BAZ1A: variants seen among roughly 807,000 people sequenced by gnomAD.
The protein encoded by BAZ1A is bromodomain adjacent to zinc finger domain protein 1A.
In BAZ1A, 50 loss-of-function variants were observed where a neutral mutation model predicts 185.2. That is an observed-to-expected ratio of 0.27 (90% CI 0.22 to 0.34). The LOEUF (loss-of-function observed/expected upper bound fraction) is 0.34, where lower values mean the gene tolerates loss of function less well. Among genes scored for constraint, BAZ1A ranks in the 10% least tolerant of loss-of-function variants. The pLI, the probability that BAZ1A is intolerant of heterozygous loss-of-function variation, is 1.00. For missense variants in BAZ1A, 1,356 were observed against 1,839.9 expected (o/e 0.74, Z 4.81); for synonymous variants, 571 against 615.6 (o/e 0.93, Z 1.07).
At chr14:34,814,769 A>G (rs2041981542) in intron 4 of BAZ1A, among the ~76,000 whole-genome samples, 3 of 145,150 alleles carry the variant, frequency 2.1e-5, no homozygotes, top group Admixed American at 2.1e-4. Context: ...GAGCCACCGT[A>G]CCAGACCTTA....
intron 3 of BAZ1A, among the ~76,000 whole-genome samples, chr14:34,830,757 T>C (rs1416810216): frequency 1.3e-5 from 2 of 150,396 alleles, no homozygotes; most frequent in Non-Finnish European, 3.0e-5. Flanking sequence ...TTATGGTATA[T>C]CTCTACAACT....
At chr14:34,832,215 C>CACACACATATAT in intron 3 of BAZ1A, among the ~76,000 whole-genome samples, 40 of 89,708 alleles carry the variant, frequency 4.5e-4, no homozygotes, top group African/African-American at 1.2e-3. Flanking sequence ...CACACACACA[C>CACACACATATAT]ATATATATAT....
At chr14:34,811,933 C>G (rs1019639333) in intron 4 of BAZ1A, among the ~76,000 whole-genome samples, 1 of 152,110 alleles carries the variant, frequency 6.6e-6, no homozygotes, top group East Asian at 1.9e-4. Context: ...TTAATCCCTA[C>G]CCCCCACCAA....
intron 3 of BAZ1A, among the ~76,000 whole-genome samples, chr14:34,857,199 G>A (rs111848201): frequency 0.15 from 23,472 of 151,656 alleles, 2,073 homozygotes; most frequent in Admixed American, 0.27. Context: ...GTAGAGATGG[G>A]GTTTCACCGT....
At chr14:34,851,607 T>C (rs1442449338) in intron 3 of BAZ1A, among the ~76,000 whole-genome samples, 1 of 151,956 alleles carries the variant, frequency 6.6e-6, no homozygotes, top group Non-Finnish European at 1.5e-5. Flanking sequence ...TGAGTTCCAG[T>C]TCACCATTCT....
chr14:34,846,111 C>CT (rs2042508713), intron 3 of BAZ1A, among the ~76,000 whole-genome samples: 1 of 152,114 alleles, frequency 6.6e-6, no homozygotes, highest in South Asian at 2.1e-4. Context: ...CCACTGATAA[C>CT]TAAGAACTTC....
chr14:34,775,478 A>G (rs1434502489), intron 18 of BAZ1A, among the ~76,000 whole-genome samples: 2 of 152,220 alleles, frequency 1.3e-5, no homozygotes, highest in Non-Finnish European at 2.9e-5. Flanking sequence ...CAAGCAGGAA[A>G]TGCTGCTATC....
chr14:34,778,349 C>T (rs1186159013), intron 17 of BAZ1A, among the ~76,000 whole-genome samples: 1 of 152,190 alleles, frequency 6.6e-6, no homozygotes, highest in Non-Finnish European at 1.5e-5. Context: ...GATAATCTGC[C>T]TTGACTTTGA....
chr14:34,756,724 CAA>C (rs1886267415), intron 25 of BAZ1A, among the ~76,000 whole-genome samples: 1 of 151,986 alleles, frequency 6.6e-6, no homozygotes, highest in Admixed American at 6.6e-5. Flanking sequence ...CTTGGCCTCC[CAA>C]AGTGTTGGGA....
At chr14:34,872,913 T>TAAAAAAAAAAAAAAA (rs35955993) in intron 2 of BAZ1A, among the ~76,000 whole-genome samples, 5 of 76,188 alleles carry the variant, frequency 6.6e-5, no homozygotes, top group East Asian at 3.5e-4. Flanking sequence ...TTTAAAATCC[T>TAAAAAAAAAAAAAAA]AAAAAAAAAA....
intron 4 of BAZ1A, among the ~76,000 whole-genome samples, chr14:34,812,545 T>G (rs2041945179): frequency 6.6e-6 from 1 of 152,030 alleles, no homozygotes; most frequent in African/African-American, 2.4e-5. Context: ...GGGGCAAGAG[T>G]GTAAACAGGA....
intron 18 of BAZ1A, among the ~76,000 whole-genome samples, chr14:34,775,614 TAG>T (rs1879546252): frequency 1.3e-5 from 2 of 152,204 alleles, no homozygotes; most frequent in Non-Finnish European, 2.9e-5. Context: ...ATGGCAGCCT[TAG>T]AGTCTATTCT....
intron 4 of BAZ1A, among the ~76,000 whole-genome samples, chr14:34,814,561 C>G (rs1473725782): frequency 6.6e-6 from 1 of 151,932 alleles, no homozygotes; most frequent in Non-Finnish European, 1.5e-5. Context: ...TTCAACCTCC[C>G]AGGCTCAAGT....
intron 3 of BAZ1A, among the ~76,000 whole-genome samples, chr14:34,842,864 C>A (rs1283046296): frequency 6.6e-6 from 1 of 151,922 alleles, no homozygotes; most frequent in African/African-American, 2.4e-5. Flanking sequence ...AAATAAGCAA[C>A]TATCACATGG....
At chr14:34,771,872 G>A (rs1243808851) in intron 20 of BAZ1A, among the ~76,000 whole-genome samples, 2 of 152,138 alleles carry the variant, frequency 1.3e-5, no homozygotes, top group African/African-American at 2.4e-5. Flanking sequence ...AAGGCTTATG[G>A]GAAAGGTTTC....
intron 3 of BAZ1A, among the ~76,000 whole-genome samples, chr14:34,852,880 A>G (rs889533167): frequency 1.3e-5 from 2 of 152,194 alleles, no homozygotes; most frequent in East Asian, 3.8e-4. Flanking sequence ...GAGCACAGTG[A>G]AAGAAATGAT....
rs115229410 is a variant in BAZ1A at position 34,851,679 on chromosome 14, C to T, written c.392+10365G>A. On this transcript the variant is annotated intron_variant, in intron 3 of 26. Transcript: ENST00000360310. The stretch of plus-strand genomic sequence containing the variant: ...AAAAAAAAAGACAATGAGAACAAGG[C>T]ACAGTGGCCCATGCCTGTAGTCCAA... Among the ~76,000 whole-genome samples the T allele has an allele frequency of 6.2e-3, 939 of 151,956 alleles. 17 individuals are homozygous for T. Among genetic ancestry groups the T allele is most frequent in the African/African-American group, 0.022 (906 of 41,450 alleles).
intron 5 of BAZ1A, among the ~76,000 whole-genome samples, chr14:34,809,975 T>C (rs942380114): frequency 6.6e-6 from 1 of 152,182 alleles, no homozygotes; most frequent in Non-Finnish European, 1.5e-5. Context: ...AAATGTAGAA[T>C]GCTCTAGAGA....
At chr14:34,824,376 TAAAAAAAAAA>T (rs59459941) in intron 4 of BAZ1A, among the ~76,000 whole-genome samples, 3 of 27,700 alleles carry the variant, frequency 1.1e-4, no homozygotes, top group African/African-American at 5.3e-4. Flanking sequence ...TCCATCTCTT[TAAAAAAAAAA>T]AAAAAAAAAA....
Sources: allele counts gnomAD v4.1 joint callset (sites outside exome capture counted in the v4.1 genomes callset), GRCh38; gene constraint gnomAD v4.1.1; transcripts MANE v1.5; gene names NCBI Gene and HGNC (gene_info 2026-07-23, HGNC 2026-07-21).